The following DOCK9 variants were observed in gnomAD, a reference collection of about 807,000 sequenced individuals.
DOCK9 encodes the protein dedicator of cytokinesis protein 9.
Under a neutral mutation model 263.3 loss-of-function variants are expected in DOCK9, and 89 were observed. The ratio of observed to expected loss-of-function variants is 0.34; its 90% CI spans 0.28 to 0.40. The LOEUF is 0.40. DOCK9 is among the 10% of genes least tolerant of loss of function. The pLI, the probability that DOCK9 is intolerant of heterozygous loss-of-function variation, is 1.00. For synonymous variants in DOCK9, 976 were observed against 973.1 expected (o/e 1.00, Z -0.06); for missense variants, 2,140 against 2,603.4 (o/e 0.82, Z 3.87).
At chr13:99,071,627 G>A (rs2041683561) in intron 1 of DOCK9, among the ~76,000 whole-genome samples, 1 of 152,096 alleles carries the variant, frequency 6.6e-6, no homozygotes, top group Non-Finnish European at 1.5e-5. Context: ...AGAGGCAGTA[G>A]AGGTGGAGGG....
At chr13:98,992,573 C>T (rs1245685608) in intron 1 of DOCK9, among the ~76,000 whole-genome samples, 3 of 152,160 alleles carry the variant, frequency 2.0e-5, no homozygotes, top group Non-Finnish European at 4.4e-5. Flanking sequence ...GGTTTTTCCC[C>T]TGCTGTTCTC....
intron 45 of DOCK9, among the ~76,000 whole-genome samples, chr13:98,814,677 G>T (rs2091645984): frequency 6.6e-6 from 1 of 152,116 alleles, no homozygotes; most frequent in East Asian, 1.9e-4. Context: ...AAGTGCTCAT[G>T]CCTATAATCC....
intron 15 of DOCK9, among the ~76,000 whole-genome samples, chr13:98,894,091 G>C (rs1367514656): frequency 6.6e-6 from 1 of 152,094 alleles, no homozygotes; most frequent in Non-Finnish European, 1.5e-5. Flanking sequence ...TTTCAAATTA[G>C]TGACCATGTG....
At chr13:98,827,553 G>A (rs1425014355) in intron 43 of DOCK9, among the ~76,000 whole-genome samples, 11 of 152,344 alleles carry the variant, frequency 7.2e-5, no homozygotes, top group African/African-American at 2.2e-4. Flanking sequence ...TGGTGCCCTC[G>A]TCTAGACCCT....
At chr13:98,796,100 C>T (rs2089357928) in intron 52 of DOCK9, 9 of 831,518 alleles carry the variant, frequency 1.1e-5, no homozygotes, top group Non-Finnish European at 1.8e-5. Flanking sequence ...TTTCCTCTGC[C>T]CATGTACTGT....
intron 45 of DOCK9, among the ~76,000 whole-genome samples, chr13:98,820,334 CCAA>C (rs1458355529): frequency 1.3e-5 from 2 of 152,144 alleles, no homozygotes; most frequent in Non-Finnish European, 1.5e-5. Flanking sequence ...CAGCAAACCG[CCAA>C]CAAAATCCAC....
chr13:98,957,560 A>G (rs1450845762), intron 1 of DOCK9, among the ~76,000 whole-genome samples: 1 of 23,702 alleles, frequency 4.2e-5, no homozygotes, highest in Non-Finnish European at 7.7e-5. Flanking sequence ...TCAAAAAAGG[A>G]AAAAAAAAAA....
intron 1 of DOCK9, among the ~76,000 whole-genome samples, chr13:99,007,027 G>A (rs1883462108): frequency 6.6e-6 from 1 of 152,164 alleles, no homozygotes; most frequent in Non-Finnish European, 1.5e-5. Flanking sequence ...AGGAGGCAGA[G>A]GCTTTAGTGA....
chr13:98,985,080 G>A (rs1259143116), intron 1 of DOCK9, among the ~76,000 whole-genome samples: 1 of 140,326 alleles, frequency 7.1e-6, no homozygotes, highest in African/African-American at 2.6e-5. Flanking sequence ...GCAGGGGGGT[G>A]GGCAGTTGGG....
At chr13:98,894,009 G>A (rs1216950575) in intron 15 of DOCK9, among the ~76,000 whole-genome samples, 3 of 152,144 alleles carry the variant, frequency 2.0e-5, no homozygotes, top group Non-Finnish European at 4.4e-5. Context: ...GAAGTGGTGT[G>A]CAGAAGAGAA....
chr13:99,036,156 C>T (rs1166768176), intron 1 of DOCK9, among the ~76,000 whole-genome samples: 1 of 152,304 alleles, frequency 6.6e-6, no homozygotes, highest in East Asian at 1.9e-4. Flanking sequence ...TACACACATA[C>T]ACATCTTATT....
Position 98,831,254 on chromosome 13 carries a change from A to G in DOCK9, c.4635+94T>C, listed in dbSNP as rs1227710326. 3.0e-6 allele frequency: 4 copies of G among 1,347,954 alleles called. No individual in the cohort carries two copies. The East Asian group carries it at 1.0e-4, about 34-fold the overall frequency. The allele number at this position is 1,347,954 out of a possible 1,614,324, so 83.5% of individuals were successfully genotyped here. A position where few individuals can be genotyped will look rare whatever the true frequency, so the allele number is the denominator to read the frequency against. On this transcript the variant is annotated intron_variant, in intron 41 of 52. Transcript: ENST00000682017. ...TTCCAGATCTTGCAGTATCTTTATG[A>G]CAAGGTAAATTGGTTAATGTGATAC...
At position 98,863,048 on chromosome 13, in the gene DOCK9, C is replaced by A. The variant is rs1352237676; in HGVS notation, c.3550G>T (p.Val1184Leu). 6.2e-7 allele frequency: 1 copy of A among 1,610,658 alleles called. No individual in the cohort carries two copies. Among genetic ancestry groups the A allele is most frequent in the East Asian group, 2.2e-5 (1 of 44,800 alleles). The change falls in exon 32 of 53, where the codon GTG (valine) becomes TTG (leucine). Residue 1184 changes from valine (V) to leucine (L), a missense_variant. By Grantham distance (32) the Val-to-Leu change is conservative. Transcript: ENST00000682017. ...CCCGCGTTCACAGGGAAGGGTGACA[C>A]ATCCCTCACATTGATCCGCTGGACG... is the stretch of plus-strand genomic sequence containing the variant. Reference protein sequence around the residue: ...ENVQRINVRDVSPFPVNAGMT... With the variant: ...ENVQRINVRDLSPFPVNAGMT...
chr13:98,851,015 C>T (rs1328940778), intron 35 of DOCK9, among the ~76,000 whole-genome samples: 1 of 152,160 alleles, frequency 6.6e-6, no homozygotes, highest in Non-Finnish European at 1.5e-5. Context: ...TGTATGGCCA[C>T]AGGCTTTCAC....
chr13:99,075,571 G>T (rs1051692733), intron 1 of DOCK9, among the ~76,000 whole-genome samples: 1 of 151,152 alleles, frequency 6.6e-6, no homozygotes, highest in Non-Finnish European at 1.5e-5. Context: ...TCACTTTGTT[G>T]CCCAGGCTGG....
intron 1 of DOCK9, among the ~76,000 whole-genome samples, chr13:99,028,158 G>A (rs1352881238): frequency 6.6e-6 from 1 of 152,156 alleles, no homozygotes; most frequent in East Asian, 1.9e-4. Context: ...TTAAAGGGAG[G>A]CAGCAATGTT....
intron 1 of DOCK9, among the ~76,000 whole-genome samples, chr13:99,063,953 C>A (rs1248120299): frequency 6.6e-6 from 1 of 152,172 alleles, no homozygotes; most frequent in Non-Finnish European, 1.5e-5. Context: ...GAAATGGAGG[C>A]TCAACACTTT....
At chr13:98,851,507 G>A (rs748837293) in intron 35 of DOCK9, among the ~76,000 whole-genome samples, 2 of 152,210 alleles carry the variant, frequency 1.3e-5, no homozygotes, top group Non-Finnish European at 2.9e-5. Context: ...GAAGCGGCCA[G>A]CGGCATGGGC....
rs912749091 is a variant in DOCK9, at chr13:98,976,019, C to T, written c.126+1765G>A. Among the ~76,000 whole-genome samples, 40 of 152,368 alleles carry T rather than the reference C, an allele frequency of 2.6e-4. 1 individual carries two copies. Among genetic ancestry groups the T allele is most frequent in the African/African-American group, 9.1e-4 (38 of 41,594 alleles). On this transcript the variant is annotated intron_variant, in intron 1 of 52. Coordinates refer to ENST00000682017, the MANE Select transcript of DOCK9 (RefSeq NM_001366683.2). ...CAGCCACAGGTAAGAGATCTGCCCT[C>T]GGCAAAGGCCCTGCTGAAATATCCT...
Sources: allele counts gnomAD v4.1 joint callset (sites outside exome capture counted in the v4.1 genomes callset), GRCh38; gene constraint gnomAD v4.1.1; transcripts MANE v1.5; gene names NCBI Gene and HGNC (gene_info 2026-07-23, HGNC 2026-07-21).